The following HS3ST2 variants were observed in gnomAD, a reference collection of about 807,000 sequenced individuals.
HS3ST2 encodes heparan sulfate glucosamine 3-O-sulfotransferase 2.
A neutral mutation model predicts 26.3 loss-of-function variants in HS3ST2; 17 were observed. That is an observed-to-expected ratio of 0.65 (90% CI 0.44 to 0.97). The LOEUF is 0.97. HS3ST2 is among the 50% of genes least tolerant of loss of function. The probability of loss-of-function intolerance (pLI) is 0.00; values close to 1 mark genes in which losing one functional copy is unlikely to be tolerated. For missense variants in HS3ST2, 402 were observed against 501.2 expected (o/e 0.80, Z 1.89); for synonymous variants, 237 against 219.2 (o/e 1.08, Z -0.72).
In HS3ST2 at chr16:22,915,253, G is replaced by A. The variant is rs373421243; in HGVS notation, c.795G>A (p.Pro265=). The A allele has an allele frequency of 4.5e-5, 73 of 1,614,048 alleles. No homozygotes were observed. The East Asian group carries it at 5.8e-4, about 13-fold the overall frequency. The change falls in exon 2 of 2, where the codon CCG becomes CCA. Residue 265 remains proline, a synonymous_variant. Transcript: ENST00000261374. The part of the protein sequence containing the change: ...LHLESWLQYF[P]LAQIHFVSGE... ...TGGAGAGCTGGCTGCAGTACTTCCC[G>A]CTAGCTCAGATTCACTTCGTCAGTG...
intron 1 of HS3ST2, among the ~76,000 whole-genome samples, chr16:22,911,129 C>T (rs190517163): frequency 1.3e-5 from 2 of 152,236 alleles, no homozygotes; most frequent in East Asian, 1.9e-4. Context: ...AAGCTAGAAT[C>T]CATGAACATA....
intron 1 of HS3ST2, among the ~76,000 whole-genome samples, chr16:22,827,440 A>T (rs1451969345): frequency 6.6e-6 from 1 of 152,152 alleles, no homozygotes; most frequent in Non-Finnish European, 1.5e-5. Context: ...GGCAGTAAGG[A>T]TGGAAGGAGG....
Position 22,916,275 on chromosome 16 carries a change from G to A in HS3ST2, c.*713G>A, listed in dbSNP as rs1567503875. ...GTACTTTGCTCATACGAGCTTTCATGTTCAGCATGCAATGGAATCATGCTT... is the reference window on the plus strand; with the variant it reads ...GTACTTTGCTCATACGAGCTTTCATATTCAGCATGCAATGGAATCATGCTT... On this transcript the variant is annotated 3_prime_UTR_variant, in exon 2 of 2. Transcript: ENST00000261374. The A allele has an allele frequency of 6.5e-6, 1 of 152,680 alleles. No individual in the cohort carries two copies. Among genetic ancestry groups the A allele is most frequent in the African/African-American group, 2.4e-5 (1 of 41,452 alleles). 9.5% of individuals were successfully genotyped at this position (152,680 alleles called of 1,614,324 possible). A position where few individuals can be genotyped will look rare whatever the true frequency, so the allele number is the denominator to read the frequency against.
intron 1 of HS3ST2, among the ~76,000 whole-genome samples, chr16:22,842,066 T>C (rs1223494638): frequency 1.6e-4 from 18 of 110,970 alleles, no homozygotes; most frequent in South Asian, 7.0e-4. Flanking sequence ...TTCTTTCTTT[T>C]TTTTTTTTTT....
At chr16:22,883,998 G>A (rs867639807) in intron 1 of HS3ST2, among the ~76,000 whole-genome samples, 1 of 152,042 alleles carries the variant, frequency 6.6e-6, no homozygotes, top group Admixed American at 6.6e-5. Context: ...AAAACAACTC[G>A]GTCCTGCCCC....
chr16:22,847,909 AGAAG>A (rs1901464302), intron 1 of HS3ST2, among the ~76,000 whole-genome samples: 1 of 151,770 alleles, frequency 6.6e-6, no homozygotes, highest in African/African-American at 2.4e-5. Flanking sequence ...AGACAAAGCA[AGAAG>A]GAAGGAAGAA....
intron 1 of HS3ST2, among the ~76,000 whole-genome samples, chr16:22,892,167 A>G (rs208615): frequency 0.48 from 71,959 of 149,864 alleles, 17,705 homozygotes; most frequent in Admixed American, 0.56. Context: ...GCAGGTGCCT[A>G]TAGTCCCAGC....
intron 1 of HS3ST2, among the ~76,000 whole-genome samples, chr16:22,834,362 G>A (rs892238874): frequency 6.6e-6 from 1 of 152,042 alleles, no homozygotes. Context: ...ACATATAGTA[G>A]ATATAATATG....
intron 1 of HS3ST2, among the ~76,000 whole-genome samples, chr16:22,825,715 T>A (rs1901074466): frequency 1.3e-5 from 2 of 152,176 alleles, no homozygotes; most frequent in African/African-American, 4.8e-5. Context: ...TACCTCTGTT[T>A]ACAGTCGAAT....
intron 1 of HS3ST2, among the ~76,000 whole-genome samples, chr16:22,860,193 C>T (rs767974753): frequency 2.0e-5 from 3 of 152,082 alleles, no homozygotes; most frequent in Non-Finnish European, 2.9e-5. Context: ...CTCACAGTTC[C>T]ACATGGCTGG....
chr16:22,893,166 T>C (rs915845773), intron 1 of HS3ST2, among the ~76,000 whole-genome samples: 21 of 152,376 alleles, frequency 1.4e-4, no homozygotes, highest in Non-Finnish European at 1.6e-4. Flanking sequence ...TTAGCTTCGC[T>C]ATTCAGTACC....
At chr16:22,883,196 A>T (rs1469074990) in intron 1 of HS3ST2, among the ~76,000 whole-genome samples, 1 of 152,228 alleles carries the variant, frequency 6.6e-6, no homozygotes, top group East Asian at 1.9e-4. Context: ...GAGAACCACA[A>T]GATGAAAGAA....
intron 1 of HS3ST2, among the ~76,000 whole-genome samples, chr16:22,902,589 A>G (rs775950832): frequency 2.0e-5 from 3 of 152,202 alleles, no homozygotes; most frequent in Admixed American, 6.5e-5. Flanking sequence ...GTTAAAGGGT[A>G]TGTGCATTTT....
chr16:22,902,048 T>C (rs923767405), intron 1 of HS3ST2, among the ~76,000 whole-genome samples: 6 of 152,206 alleles, frequency 3.9e-5, no homozygotes, highest in African/African-American at 1.2e-4. Flanking sequence ...AACTGTTAAA[T>C]GTATTGTGTA....
At chr16:22,817,010 A>G (rs1353226322) in intron 1 of HS3ST2, among the ~76,000 whole-genome samples, 1 of 152,094 alleles carries the variant, frequency 6.6e-6, no homozygotes, top group Non-Finnish European at 1.5e-5. Context: ...CCTGGAGCCC[A>G]TGTCATTCAG....
chr16:22,895,001 C>T (rs999718349), intron 1 of HS3ST2, among the ~76,000 whole-genome samples: 1 of 151,312 alleles, frequency 6.6e-6, no homozygotes, highest in African/African-American at 2.4e-5. Context: ...GAAGTAAATG[C>T]TGGGTTTGAT....
At chr16:22,833,373 C>A in intron 1 of HS3ST2, 1 of 448,884 alleles carries the variant, frequency 2.2e-6, no homozygotes. Context: ...TCTTGCTAAA[C>A]TGTGGATGAT....
At chr16:22,909,163 G>T (rs992258439) in intron 1 of HS3ST2, among the ~76,000 whole-genome samples, 1 of 152,176 alleles carries the variant, frequency 6.6e-6, no homozygotes, top group Non-Finnish European at 1.5e-5. Context: ...CTTTGGACAT[G>T]CATCCCCACC....
intron 1 of HS3ST2, among the ~76,000 whole-genome samples, chr16:22,884,837 CCTCT>C (rs1339462557): frequency 7.2e-6 from 1 of 138,190 alleles, no homozygotes; most frequent in Non-Finnish European, 1.6e-5. Context: ...TTTCTCTCTC[CCTCT>C]CTGTCTTTTT....
Sources: gnomAD v4.1 joint callset for allele counts (sites outside exome capture counted in the v4.1 genomes callset) on GRCh38, gnomAD v4.1.1 for gene constraint, MANE v1.5 for transcripts, NCBI Gene and HGNC (gene_info 2026-07-23, HGNC 2026-07-21) for gene names.